Variants in THADA observed in about 807,000 individuals in gnomAD.
THADA encodes tRNA (32-2'-O)-methyltransferase regulator THADA.
THADA carries 213 observed loss-of-function variants against 219.8 expected under a neutral mutation model. That is an observed-to-expected ratio of 0.97 (90% CI 0.87 to 1.09). THADA has a LOEUF of 1.09. Ranked by LOEUF, THADA falls within the 50% of genes least tolerant of loss-of-function variation. THADA has a pLI of 0.00. For synonymous variants in THADA, 1,018 were observed against 828.9 expected (o/e 1.23, Z -3.92); for missense variants, 2,956 against 2,311.3 (o/e 1.28, Z -5.72).
chr2:43,245,772 C>G (rs1304686339), intron 36 of THADA, among the ~76,000 whole-genome samples: 3 of 152,124 alleles, frequency 2.0e-5, no homozygotes, highest in Non-Finnish European at 4.4e-5. Context: ...TGCTTGGCTC[C>G]CAAAACACAC....
intron 29 of THADA, among the ~76,000 whole-genome samples, chr2:43,348,663 T>C (rs973213270): frequency 2.0e-5 from 3 of 152,024 alleles, no homozygotes; most frequent in Admixed American, 6.5e-5. Context: ...GGCAACTGCT[T>C]TAGACATGGA....
chr2:43,356,000 A>G (rs772496560), intron 29 of THADA, among the ~76,000 whole-genome samples: 2 of 152,190 alleles, frequency 1.3e-5, no homozygotes, highest in Non-Finnish European at 2.9e-5. Context: ...AAAATAACCA[A>G]TATAGGAAGA....
chr2:43,398,453 G>A (rs1324516920), intron 28 of THADA, among the ~76,000 whole-genome samples: 1 of 152,136 alleles, frequency 6.6e-6, no homozygotes, highest in African/African-American at 2.4e-5. Context: ...TTTATGATAA[G>A]CAAAAGCACC....
At chr2:43,427,521 G>GTA (rs1678614185) in intron 28 of THADA, among the ~76,000 whole-genome samples, 1 of 151,216 alleles carries the variant, frequency 6.6e-6, no homozygotes, top group African/African-American at 2.4e-5. Context: ...GTGTGTGTGT[G>GTA]TGTGTGTGTG....
intron 20 of THADA, among the ~76,000 whole-genome samples, chr2:43,544,324 G>T (rs941810679): frequency 6.6e-6 from 1 of 152,192 alleles, no homozygotes; most frequent in South Asian, 2.1e-4. Context: ...CTCCAGCTTT[G>T]TTCTTTTGGC....
intron 29 of THADA, among the ~76,000 whole-genome samples, chr2:43,392,371 A>T (rs919951943): frequency 2.6e-5 from 4 of 152,108 alleles, no homozygotes; most frequent in Non-Finnish European, 1.5e-5. Context: ...TTATTTAAGA[A>T]ACTCCAGTAG....
At chr2:43,274,068 A>G (rs1672442712) in intron 36 of THADA, among the ~76,000 whole-genome samples, 1 of 151,738 alleles carries the variant, frequency 6.6e-6, no homozygotes, top group South Asian at 2.1e-4. Flanking sequence ...CCTAAACACC[A>G]TTGTTATTCC....
chr2:43,540,345 A>C (rs1011766355), intron 21 of THADA, among the ~76,000 whole-genome samples: 4 of 152,210 alleles, frequency 2.6e-5, no homozygotes, highest in Non-Finnish European at 5.9e-5. Flanking sequence ...TAAGCCACAG[A>C]GTGTGAGAAA....
rs750107716 is a variant in THADA at position 43,292,884 on chromosome 2, T to C, written c.4768A>G (p.Lys1590Glu). Residue 1590 changes from lysine to glutamate, a missense_variant, in exon 32 of 38, where the codon AAG becomes GAG. Lys to Glu is a moderately conservative substitution (Grantham distance 56). Transcript: ENST00000405975. ...TCCTTCATGGCCAACAATAAGAACT[T>C]CTCTCCCATGTTGCACAGCAAGGGT... ...VPPLLCNMGE[K>E]FLLLAMKENH... 3.7e-6 allele frequency: 6 copies of C among 1,613,886 alleles called. No homozygotes were observed. The highest frequency in any genetic ancestry group is 5.1e-6 in the Non-Finnish European group (6 of 1,179,886).
chr2:43,546,488 T>G (rs912411549), intron 20 of THADA, among the ~76,000 whole-genome samples: 2 of 152,178 alleles, frequency 1.3e-5, no homozygotes, highest in African/African-American at 4.8e-5. Context: ...TCTCCCATTA[T>G]TATTGTGTGG....
At chr2:43,570,756 A>C (rs1699202704) in intron 13 of THADA, among the ~76,000 whole-genome samples, 1 of 152,224 alleles carries the variant, frequency 6.6e-6, no homozygotes, top group African/African-American at 2.4e-5. Flanking sequence ...AAACCTGAAG[A>C]TGATTTAGTC....
intron 36 of THADA, among the ~76,000 whole-genome samples, chr2:43,254,875 C>A (rs774285279): frequency 6.6e-6 from 1 of 152,158 alleles, no homozygotes; most frequent in Admixed American, 6.5e-5. Context: ...CTCGGTCCCC[C>A]CACTGGTCTA....
chr2:43,240,945 G>C (rs1184846349), intron 36 of THADA, among the ~76,000 whole-genome samples: 1 of 152,188 alleles, frequency 6.6e-6, no homozygotes, highest in Non-Finnish European at 1.5e-5. Context: ...TGCAGCACCA[G>C]GACTATGGCC....
rs1480410010 is a variant in THADA at position 43,427,801 on chromosome 2, A to G, written c.4058+299T>C. Among the ~76,000 whole-genome samples the G allele has an allele frequency of 2.7e-5, 4 of 149,318 alleles. No homozygotes were observed. The East Asian group carries it at 7.8e-4, about 29-fold the overall frequency. On this transcript the variant is annotated intron_variant, in intron 28 of 37. Coordinates refer to ENST00000405975, the MANE Select transcript of THADA (RefSeq NM_022065.5). ...GAAACCCCATCTCTACTAAAAATAC[A>G]AAAAATTATCCAGGCGTGGTGGCGG...
At chr2:43,264,550 G>T (rs1671311662) in intron 36 of THADA, among the ~76,000 whole-genome samples, 1 of 152,142 alleles carries the variant, frequency 6.6e-6, no homozygotes, top group Admixed American at 6.5e-5. Flanking sequence ...CTCCCAAAGT[G>T]CTGGGATTAC....
intron 29 of THADA, among the ~76,000 whole-genome samples, chr2:43,371,770 G>C (rs2104623957): frequency 6.6e-6 from 1 of 152,182 alleles, no homozygotes; most frequent in African/African-American, 2.4e-5. Flanking sequence ...ACTTTGGTCT[G>C]TTTGCCAAAC....
At chr2:43,394,888 C>G (rs908837547) in intron 29 of THADA, among the ~76,000 whole-genome samples, 6 of 152,202 alleles carry the variant, frequency 3.9e-5, no homozygotes, top group Non-Finnish European at 8.8e-5. Context: ...GCCCTTCATC[C>G]CACCAACACT....
At chr2:43,272,854 G>A (rs113986438) in intron 36 of THADA, among the ~76,000 whole-genome samples, 6,130 of 151,944 alleles carry the variant, frequency 0.04, 196 homozygotes, top group South Asian at 0.17. Flanking sequence ...TTGAACTCCT[G>A]GGCTCAAGTG....
At position 43,231,093 on chromosome 2, in the gene THADA, A is replaced by G. The variant is rs996809928; in HGVS notation, c.5717T>C (p.Ile1906Thr). 6.2e-7 allele frequency: 1 copy of G among 1,613,938 alleles called. No homozygotes were observed. Among genetic ancestry groups the G allele is most frequent in the African/African-American group, 1.3e-5 (1 of 75,020 alleles). The change falls in exon 38 of 38, where the codon ATT (isoleucine) becomes ACT (threonine). Residue 1906 changes from isoleucine (I) to threonine (T), a missense_variant. By Grantham distance (89) the Ile-to-Thr change is moderately conservative (BLOSUM62 -1). Coordinates refer to ENST00000405975, the MANE Select transcript of THADA (RefSeq NM_022065.5). ...VKTVEFTRLR[I>T]QEERTLACLR... The stretch of plus-strand genomic sequence containing the variant: ...GCAAGCCAAAGTCCTTTCCTCTTGA[A>G]TGCGTAGTCTTGTGAACTCCACTGT...
Sources: allele counts gnomAD v4.1 joint callset (sites outside exome capture counted in the v4.1 genomes callset), GRCh38; gene constraint gnomAD v4.1.1; transcripts MANE v1.5; gene names NCBI Gene and HGNC (gene_info 2026-07-23, HGNC 2026-07-21).